Variants in KANK3 observed in about 807,000 individuals in gnomAD.
KANK3 encodes the protein KN motif and ankyrin repeat domains 3.
A neutral mutation model predicts 65.4 loss-of-function variants in KANK3; 61 were observed. That is an observed-to-expected ratio of 0.93 (90% CI 0.76 to 1.15). The LOEUF (loss-of-function observed/expected upper bound fraction) is 1.15, where lower values mean the gene tolerates loss of function less well. Among genes scored for constraint, KANK3 ranks in the 50% most tolerant of loss-of-function variants. The pLI is 0.00. For missense variants in KANK3, 1,187 were observed against 1,178.8 expected (o/e 1.01, Z -0.10); for synonymous variants, 586 against 543.3 (o/e 1.08, Z -1.09).
At chr19:8,325,708 G>A (rs1242037181) in intron 7 of KANK3, among the ~76,000 whole-genome samples, 1 of 152,106 alleles carries the variant, frequency 6.6e-6, no homozygotes, top group African/African-American at 2.4e-5. Flanking sequence ...ATAATAAAAG[G>A]ATATGTTTAT....
chr19:8,329,412 G>A (rs552511640), intron 7 of KANK3, among the ~76,000 whole-genome samples: 5 of 147,110 alleles, frequency 3.4e-5, no homozygotes, highest in South Asian at 4.3e-4. Flanking sequence ...ACTCGAACCC[G>A]GGAGGCAGAG....
Position 8,339,151 on chromosome 19 carries a change from G to A in KANK3, c.-28-1295C>T, listed in dbSNP as rs77527323. Among the ~76,000 whole-genome samples, 128 of 152,214 alleles carry A rather than the reference G, an allele frequency of 8.4e-4. 1 individual carries two copies. Among genetic ancestry groups the A allele is most frequent in the African/African-American group, 2.8e-3 (118 of 41,522 alleles). ...GGGCTGCCTGGGAAAGTGACTGTTT[G>A]GATGACATGATGGAGGCTGTAAGAA... On this transcript the variant is annotated intron_variant, in intron 1 of 10. Coordinates refer to ENST00000330915, the MANE Select transcript of KANK3 (RefSeq NM_198471.3).
At chr19:8,335,881 G>GC (rs1970629714) in intron 2 of KANK3, 89 bp from the exon 3 acceptor site, 4 of 913,234 alleles carry the variant, frequency 4.4e-6, no homozygotes, top group Non-Finnish European at 5.7e-6. Context: ...CCCCACCCAT[G>GC]CCCACGCTTC....
In KANK3 at chr19:8,334,590, C is replaced by A; in HGVS notation, c.1237G>T (p.Ala413Ser). ...GCCTCTGCCGGGGACTCGGTCTGCGCGGCCTTTTCGGCACAGCTCCACGGG... is the reference window on the plus strand; with the variant it reads ...GCCTCTGCCGGGGACTCGGTCTGCGAGGCCTTTTCGGCACAGCTCCACGGG... The part of the protein sequence containing the change: ...QTPWSCAEKA[A>S]QTESPAEAPS... Residue 413 changes from alanine (A) to serine (S), a missense_variant, in exon 3 of 11, where the codon GCG (alanine) becomes TCG (serine). Around this residue, in one of 3 missense-constraint regions of KANK3, gnomAD observed 1,078 missense variants for 1,038.2 expected, o/e 1.04. Coordinates refer to ENST00000330915, the MANE Select transcript of KANK3 (RefSeq NM_198471.3). The A allele has an allele frequency of 6.3e-7, 1 of 1,591,244 alleles. No homozygotes were observed. The highest frequency in any genetic ancestry group is 1.7e-5 in the Admixed American group (1 of 58,552).
In KANK3 at chr19:8,324,493, C is replaced by T. The variant is rs201475294; in HGVS notation, c.2338G>A (p.Ala780Thr). ...GAGCTCAGGTGGGCATGTAGCAGAGCGGCCACCTCATCCTGCTCAGCCTCC... is the reference window on the plus strand; with the variant it reads ...GAGCTCAGGTGGGCATGTAGCAGAGTGGCCACCTCATCCTGCTCAGCCTCC... The part of the protein sequence containing the change: ...ALEAEQDEVA[A>T]LLHAHLSSGQ... The change falls in exon 10 of 11, where the codon GCT becomes ACT. Residue 780 changes from alanine (A) to threonine (T), a missense_variant. Ala to Thr is a moderately conservative substitution (Grantham distance 58, BLOSUM62 0). Around this residue, in one of 3 missense-constraint regions of KANK3, gnomAD observed 1,078 missense variants for 1,038.2 expected, o/e 1.04. Transcript: ENST00000330915. The T allele has an allele frequency of 5.1e-4, 818 of 1,612,474 alleles. 3 individuals carry two copies. Among genetic ancestry groups the T allele is most frequent in the Non-Finnish European group, 4.3e-4 (507 of 1,179,322 alleles).
chr19:8,333,301 G>A lies in KANK3; in HGVS notation c.1720-71C>T. 2.3e-6 allele frequency: 3 copies of A among 1,284,482 alleles called. No individual in the cohort carries two copies. The East Asian group carries it at 7.1e-5, about 30-fold the overall frequency. The allele number at this position is 1,284,482 out of a possible 1,614,324, so 79.6% of individuals were successfully genotyped here. A position where few individuals can be genotyped will look rare whatever the true frequency, so the allele number is the denominator to read the frequency against. On this transcript the variant is annotated intron_variant, in intron 6 of 10. Transcript: ENST00000330915. This position sits in a 1 kb window ranked among gnomAD's most constrained non-coding sequence, Gnocchi z 5.0. ...GGCGCCGTGGTGGGGGAGCTGGGGA[G>A]GGGCGGGACTGGGAAGAGACCCATT...
rs991150062 is a variant in KANK3 at position 8,341,855 on chromosome 19, T to C, written c.-29+1370A>G. Among the ~76,000 whole-genome samples, 64 of 152,298 alleles carry C rather than the reference T, an allele frequency of 4.2e-4. 1 individual carries two copies. The highest frequency in any genetic ancestry group is 1.2e-4 in the Non-Finnish European group (8 of 68,010). On this transcript the variant is annotated intron_variant, in intron 1 of 10. Transcript: ENST00000330915. ...TTGGATTTCCTATGATCATTGTCCC[T>C]TCCCCTATTGTACAGATGGAGAAAC...
At chr19:8,337,967 C>T in intron 1 of KANK3, 111 bp from the exon 2 acceptor site, 1 of 1,515,924 alleles carries the variant, frequency 6.6e-7, no homozygotes, top group South Asian at 1.2e-5. Context: ...CACCCAGCCA[C>T]CTCCCTCCAC....
Position 8,337,983 on chromosome 19 carries a change from GC to G in KANK3, c.-28-128del. 2.1e-6 allele frequency: 3 copies of G among 1,442,494 alleles called. 1 individual carries two copies. The highest frequency in any genetic ancestry group is 2.7e-6 in the Non-Finnish European group (3 of 1,093,078). The allele number at this position is 1,442,494 out of a possible 1,614,324, so 89.4% of individuals were successfully genotyped here. ...ACCCAGCCACCTCCCTCCACACATG[GC>G]CTCTCCTTCCTCTTCCCTAAAGAAA... On this transcript the variant is annotated intron_variant, in intron 1 of 10. Transcript: ENST00000330915.
intron 1 of KANK3, among the ~76,000 whole-genome samples, chr19:8,342,265 T>C (rs1970730746): frequency 6.6e-6 from 1 of 152,186 alleles, no homozygotes; most frequent in Admixed American, 6.5e-5. Context: ...AGTGCTGGGA[T>C]AACAGGCATG....
At chr19:8,339,977 AAAAAAAAG>A (rs1488132912) in intron 1 of KANK3, among the ~76,000 whole-genome samples, 149 of 111,506 alleles carry the variant, frequency 1.3e-3, no homozygotes, top group East Asian at 8.2e-3. Flanking sequence ...AAAAAAAAAA[AAAAAAAAG>A]AAAAGAAAAG....
chr19:8,329,344 G>A (rs1421623425), intron 7 of KANK3, among the ~76,000 whole-genome samples: 8 of 151,144 alleles, frequency 5.3e-5, no homozygotes, highest in African/African-American at 1.5e-4. Flanking sequence ...AAAATTAGCC[G>A]GGCATGATGG....
chr19:8,325,105 G>GA lies in KANK3; in HGVS notation c.1937-10dup, dbSNP rs1445673959. The GA allele has an allele frequency of 3.1e-6, 5 of 1,607,104 alleles. No individual in the cohort carries two copies. The East Asian group carries it at 1.1e-4, about 36-fold the overall frequency. On this transcript the variant is annotated splice_polypyrimidine_tract_variant and intron_variant, in intron 7 of 10. Coordinates refer to ENST00000330915, the MANE Select transcript of KANK3 (RefSeq NM_198471.3). ...GTTGACCTCGCAGGCCCCTGGGAGA[G>GA]AAAAGGGGGCCGTCCACGGAGATGC...
chr19:8,341,043 C>T (rs1420299311), intron 1 of KANK3, among the ~76,000 whole-genome samples: 1 of 152,086 alleles, frequency 6.6e-6, no homozygotes, highest in Non-Finnish European at 1.5e-5. Flanking sequence ...ACCCAAATCC[C>T]AGGCCCTGGG....
At chr19:8,332,986 G>GTT in intron 7 of KANK3, 28 bp downstream of exon 7, 20 of 543,812 alleles carry the variant, frequency 3.7e-5, no homozygotes, top group South Asian at 8.1e-5. Context: ...ATTTCCTGGT[G>GTT]TCCCACCCAC....
chr19:8,334,743 G>T lies in KANK3; in HGVS notation c.1084C>A (p.Leu362Met), dbSNP rs1970597343. The T allele has an allele frequency of 6.5e-7, 1 of 1,528,962 alleles. No homozygotes were observed. The highest frequency in any genetic ancestry group is 2.5e-5 in the East Asian group (1 of 40,308). 94.7% of individuals were successfully genotyped at this position (1,528,962 alleles called of 1,614,324 possible). ...TCACTCACCCCGCGCTGGTGCTCCA[G>T]ACTGGCGCGCAGCAGCTCTAGCTCG... ...ERELELLRAS[L>M]EHQRGVSELL... The change falls in exon 3 of 11, where the codon CTG becomes ATG. Residue 362 changes from leucine (L) to methionine (M), a missense_variant. Coordinates refer to ENST00000330915, the MANE Select transcript of KANK3 (RefSeq NM_198471.3).
intron 7 of KANK3, among the ~76,000 whole-genome samples, chr19:8,331,864 T>A (rs1184885109): frequency 1.3e-5 from 2 of 151,976 alleles, no homozygotes; most frequent in Non-Finnish European, 2.9e-5. Context: ...ACAAGCAAGA[T>A]TAAATAATGC....
At chr19:8,325,515 C>T (rs975939308) in intron 7 of KANK3, among the ~76,000 whole-genome samples, 5 of 151,502 alleles carry the variant, frequency 3.3e-5, no homozygotes, top group South Asian at 2.1e-4. Context: ...TCAAGTGATC[C>T]ACCCACCGTA....
In KANK3 at chr19:8,338,897, AAAG is replaced by A. The variant is rs201031507; in HGVS notation, c.-28-1044_-28-1042del. Among the ~76,000 whole-genome samples, 303 of 109,446 alleles carry A rather than the reference AAAG, an allele frequency of 2.8e-3. 26 individuals carry two copies. The highest frequency in any genetic ancestry group is 3.7e-3 in the Non-Finnish European group (161 of 43,690). The allele number at this position is 109,446 out of a possible 152,430, so 71.8% of individuals were successfully genotyped here. A position where few individuals can be genotyped will look rare whatever the true frequency, so the allele number is the denominator to read the frequency against. ...TCAAAAAAAAAAAAAAAAAAAAAAA[AAAG>A]GATGTAATTGTGCATCCAAATTTTT... On this transcript the variant is annotated intron_variant, in intron 1 of 10. Transcript: ENST00000330915.
Sources: allele counts gnomAD v4.1 joint callset (sites outside exome capture counted in the v4.1 genomes callset), GRCh38; gene constraint gnomAD v4.1.1; regional missense constraint gnomAD v4.1.1; non-coding constraint Gnocchi (gnomAD v3.1); transcripts MANE v1.5; gene names NCBI Gene and HGNC (gene_info 2026-07-23, HGNC 2026-07-21).